The following LINGO2 variants were observed in gnomAD, a reference collection of about 807,000 sequenced individuals.
LINGO2 encodes leucine rich repeat and Ig domain containing 2, also known as leucine-rich repeat and immunoglobulin-like domain-containing nogo receptor-interacting protein 2.
LINGO2 carries 14 observed loss-of-function variants against 30.6 expected under a neutral mutation model. That is an observed-to-expected ratio of 0.46 (90% CI 0.30 to 0.72). The LOEUF is 0.72. Among genes scored for constraint, LINGO2 ranks in the 30% least tolerant of loss-of-function variants. The pLI is 0.07. For synonymous variants in LINGO2, 317 were observed against 288.5 expected (o/e 1.10, Z -1.00); for missense variants, 729 against 751.7 (o/e 0.97, Z 0.35).
chr9:28,362,122 T>C (rs1358165175), intron 3 of LINGO2, among the ~76,000 whole-genome samples: 3 of 152,222 alleles, frequency 2.0e-5, no homozygotes, highest in African/African-American at 7.2e-5. Context: ...GACGTGGAAA[T>C]ATGCATATGC....
the LINGO2 span, among the ~76,000 whole-genome samples, chr9:29,070,243 A>T: frequency 6.6e-6 from 1 of 152,134 alleles, no homozygotes; most frequent in Non-Finnish European, 1.5e-5. Flanking sequence ...CAAGAGAGAA[A>T]ACATAGCTTT....
intron 2 of LINGO2, among the ~76,000 whole-genome samples, chr9:28,466,029 A>T (rs1329307665): frequency 6.6e-6 from 1 of 152,136 alleles, no homozygotes; most frequent in Non-Finnish European, 1.5e-5. Flanking sequence ...AAATTAGTAC[A>T]ACCACTATGG....
At chr9:28,895,581 T>C in the LINGO2 span, among the ~76,000 whole-genome samples, 867 of 152,256 alleles carry the variant, frequency 5.7e-3, 12 homozygotes, top group African/African-American at 0.02. Context: ...TTTACCTCCT[T>C]GAATATGCAC....
intron 4 of LINGO2, among the ~76,000 whole-genome samples, chr9:28,150,182 G>A (rs80275680): frequency 6.6e-6 from 1 of 151,350 alleles, no homozygotes; most frequent in African/African-American, 2.4e-5. Flanking sequence ...AAGCGCCTCT[G>A]CCCAGCCCCT....
the LINGO2 span, among the ~76,000 whole-genome samples, chr9:29,034,072 G>C: frequency 6.7e-6 from 1 of 148,634 alleles, no homozygotes; most frequent in South Asian, 2.2e-4. Flanking sequence ...GACAGAGTGA[G>C]ATTCCACCTC....
the LINGO2 span, among the ~76,000 whole-genome samples, chr9:28,994,099 G>A: frequency 6.6e-6 from 1 of 151,928 alleles, no homozygotes; most frequent in Admixed American, 6.6e-5. Flanking sequence ...CAGATGACAT[G>A]ATTGTATATC....
At chr9:28,196,445 T>C (rs991359919) in intron 4 of LINGO2, among the ~76,000 whole-genome samples, 23 of 151,812 alleles carry the variant, frequency 1.5e-4, no homozygotes, top group African/African-American at 4.1e-4. Flanking sequence ...ATAGACATTA[T>C]ATGTACAAGC....
the LINGO2 span, among the ~76,000 whole-genome samples, chr9:28,734,641 GT>G: frequency 6.6e-6 from 1 of 152,124 alleles, no homozygotes; most frequent in African/African-American, 2.4e-5. Context: ...AGACTTGTTT[GT>G]TTTGGAATAC....
chr9:29,172,536 T>A, the LINGO2 span, among the ~76,000 whole-genome samples: 3 of 151,966 alleles, frequency 2.0e-5, no homozygotes, highest in Admixed American at 2.0e-4. Flanking sequence ...GTTTTAAATT[T>A]CGGTCACTTA....
chr9:29,188,246 T>C, the LINGO2 span, among the ~76,000 whole-genome samples: 38 of 151,876 alleles, frequency 2.5e-4, no homozygotes, highest in Middle Eastern at 3.4e-3. Context: ...CCTTCAAGCA[T>C]CTGTTTAACA....
Position 28,148,661 on chromosome 9 carries a change from C to G in LINGO2, c.-86-136256G>C. The G allele has an allele frequency of 6.5e-7, 1 of 1,532,840 alleles. No homozygotes were observed. Among genetic ancestry groups the G allele is most frequent in the Non-Finnish European group, 8.7e-7 (1 of 1,145,294 alleles). The allele number at this position is 1,532,840 out of a possible 1,614,324, so 95.0% of individuals were successfully genotyped here. On this transcript the variant is annotated intron_variant, in intron 4 of 5. Coordinates refer to ENST00000379992, the Ensembl canonical transcript of LINGO2. The surrounding 1 kb of genome is among the most constrained non-coding windows in gnomAD (Gnocchi z 5.1). Reference sequence around the variant, plus strand: ...AGAAAACAACCAGACTGACAAGGCCCAGGTGCCTGCAGTGAGTTTCTACTC... The same window carrying G: ...AGAAAACAACCAGACTGACAAGGCCGAGGTGCCTGCAGTGAGTTTCTACTC...
At chr9:28,992,933 C>G in the LINGO2 span, among the ~76,000 whole-genome samples, 3 of 151,004 alleles carry the variant, frequency 2.0e-5, no homozygotes, top group African/African-American at 4.9e-5. Context: ...AAATTGACAC[C>G]CTTACATCAC....
the LINGO2 span, among the ~76,000 whole-genome samples, chr9:28,983,021 T>C: frequency 6.6e-6 from 1 of 151,906 alleles, no homozygotes; most frequent in Non-Finnish European, 1.5e-5. Context: ...CAATATTTTA[T>C]AATTGTAGGT....
chr9:28,408,820 GT>G (rs1822628418), intron 2 of LINGO2, among the ~76,000 whole-genome samples: 1 of 151,386 alleles, frequency 6.6e-6, no homozygotes, highest in Admixed American at 6.6e-5. Flanking sequence ...TGGCCTCCTG[GT>G]CCATAGTCTA....
At chr9:28,172,021 A>AAC (rs1479464821) in intron 4 of LINGO2, among the ~76,000 whole-genome samples, 232 of 88,634 alleles carry the variant, frequency 2.6e-3, no homozygotes, top group African/African-American at 0.013. Flanking sequence ...CGTCTCAAAA[A>AAC]AAAAAAAAAA....
chr9:28,150,083 G>A (rs1020603978), intron 4 of LINGO2, among the ~76,000 whole-genome samples: 1 of 150,272 alleles, frequency 6.7e-6, no homozygotes, highest in Non-Finnish European at 1.5e-5. Context: ...CATCCCATCT[G>A]GGAAGTGAGG....
At chr9:28,920,808 G>A in the LINGO2 span, among the ~76,000 whole-genome samples, 1 of 152,052 alleles carries the variant, frequency 6.6e-6, no homozygotes, top group African/African-American at 2.4e-5. Context: ...GATCAGAAAA[G>A]CCTTAGTTTA....
At chr9:28,738,148 CATTA>C in the LINGO2 span, among the ~76,000 whole-genome samples, 4 of 152,070 alleles carry the variant, frequency 2.6e-5, no homozygotes, top group African/African-American at 4.8e-5. Flanking sequence ...AGAACACAAG[CATTA>C]ATTAATTCCA....
At chr9:28,525,676 A>G (rs192647246) in intron 1 of LINGO2, among the ~76,000 whole-genome samples, 287 of 152,308 alleles carry the variant, frequency 1.9e-3, no homozygotes, top group Non-Finnish European at 3.4e-3. Flanking sequence ...GAGGGAGGCA[A>G]CAGAGTGACT....
Sources: gnomAD v4.1 joint callset for allele counts (sites outside exome capture counted in the v4.1 genomes callset) on GRCh38, gnomAD v4.1.1 for gene constraint, Gnocchi (gnomAD v3.1) non-coding constraint, MANE v1.5 for transcripts, NCBI Gene and HGNC (gene_info 2026-07-23, HGNC 2026-07-21) for gene names.